RSPH4A: variants seen among roughly 807,000 people sequenced by gnomAD.
The protein encoded by RSPH4A is radial spoke head protein 4 homolog A.
A neutral mutation model predicts 71.0 loss-of-function variants in RSPH4A; 47 were observed. The observed-to-expected ratio is 0.66, with a 90% CI of 0.52 to 0.84. RSPH4A has a LOEUF of 0.84. Ranked by LOEUF, RSPH4A falls within the 40% of genes least tolerant of loss-of-function variation. RSPH4A has a pLI of 0.00. For synonymous variants in RSPH4A, 282 were observed against 302.3 expected (o/e 0.93, Z 0.70); for missense variants, 793 against 855.2 (o/e 0.93, Z 0.91).
intron 2 of RSPH4A, 128 bp from the exon 3 acceptor site, chr6:116,627,501 G>A: frequency 1.2e-6 from 1 of 855,082 alleles, no homozygotes; most frequent in Admixed American, 1.9e-5. Flanking sequence ...CAGCCAATTT[G>A]ATCTAAATCT....
chr6:116,628,852 G>GGT (rs139022306), intron 3 of RSPH4A, among the ~76,000 whole-genome samples: 1 of 152,084 alleles, frequency 6.6e-6, no homozygotes, highest in Admixed American at 6.6e-5. Context: ...TATTGTGCCA[G>GGT]GTGTGTGTGT....
In RSPH4A at chr6:116,632,187, CTTCTTT is replaced by C. The variant is rs762659630; in HGVS notation, c.1917-14_1917-9del. On this transcript the variant is annotated splice_polypyrimidine_tract_variant and intron_variant, in intron 5 of 5. Coordinates refer to ENST00000229554, the MANE Select transcript of RSPH4A (RefSeq NM_001010892.3). Reference sequence around the variant, plus strand: ...AATTATATAATGATCTTTTTTTCTTCTTCTTTTTCTTACTTATAGAAAGTTTGAAAA... The same window carrying C: ...AATTATATAATGATCTTTTTTTCTTCTTCTTACTTATAGAAAGTTTGAAAA... 11 of 1,553,484 alleles carry C rather than the reference CTTCTTT, an allele frequency of 7.1e-6. No homozygotes were observed. The African/African-American group carries it at 1.4e-4, about 20-fold the overall frequency.
chr6:116,625,641 T>A (rs931670075), intron 2 of RSPH4A, among the ~76,000 whole-genome samples: 1 of 152,132 alleles, frequency 6.6e-6, no homozygotes, highest in Non-Finnish European at 1.5e-5. Flanking sequence ...TAATACAGTA[T>A]AACTGAATAC....
At chr6:116,624,486 T>G (rs946585468) in intron 2 of RSPH4A, among the ~76,000 whole-genome samples, 2 of 152,186 alleles carry the variant, frequency 1.3e-5, no homozygotes, top group African/African-American at 2.4e-5. Context: ...AGAATACAAA[T>G]AAGCTGTTTT....
intron 1 of RSPH4A, among the ~76,000 whole-genome samples, chr6:116,621,399 G>T (rs535361685): frequency 6.6e-6 from 1 of 151,972 alleles, no homozygotes; most frequent in South Asian, 2.1e-4. Flanking sequence ...AAGAAAAAAC[G>T]AAAAATATAG....
chr6:116,627,887 G>A lies in RSPH4A; in HGVS notation c.1180G>A (p.Gly394Arg), dbSNP rs146363206. The change falls in exon 3 of 6, where the codon GGA becomes AGA. Residue 394 changes from glycine to arginine, a missense_variant. Transcript: ENST00000229554. ...AGATGTAGCTGAAGAGAGGGACAAT[G>A]GAGAAAGTGAAGCTCATGAAGATGA... is the stretch of plus-strand genomic sequence containing the variant. The part of the protein sequence containing the change: ...EEDVAEERDN[G>R]ESEAHEDEED... 26 of 1,613,380 alleles carry A rather than the reference G, an allele frequency of 1.6e-5. No homozygotes were observed. The African/African-American group carries it at 3.5e-4, about 22-fold the overall frequency.
chr6:116,619,181 A>G (rs185537702), intron 1 of RSPH4A, among the ~76,000 whole-genome samples: 22 of 152,240 alleles, frequency 1.4e-4, no homozygotes, highest in African/African-American at 5.3e-4. Flanking sequence ...TTGGATAGGT[A>G]TGATTGGTGA....
At position 116,630,845 on chromosome 6, in the gene RSPH4A, G is replaced by GTTTTTTTTT. The variant is rs1285123787; in HGVS notation, c.1916+294_1916+295insTTTTTTTTT. Among the ~76,000 whole-genome samples, 22 of 67,630 alleles carry GTTTTTTTTT rather than the reference G, an allele frequency of 3.3e-4. 2 individuals carry two copies. Among genetic ancestry groups the GTTTTTTTTT allele is most frequent in the South Asian group, 4.7e-4 (1 of 2,114 alleles). The allele number at this position is 67,630 out of a possible 152,430, so 44.4% of individuals were successfully genotyped here. ...GCACCACTATGCCCAGCTAATTTTTGTATTTTTTTTTTTTTTTTTTTTTTT... is the reference window on the plus strand; with the variant it reads ...GCACCACTATGCCCAGCTAATTTTTGTTTTTTTTTTATTTTTTTTTTTTTTTTTTTTTTT... On this transcript the variant is annotated intron_variant, in intron 5 of 5. Transcript: ENST00000229554.
chr6:116,628,197 T>G lies in RSPH4A; in HGVS notation c.1490T>G (p.Val497Gly), dbSNP rs1461108741. Residue 497 changes from valine (V) to glycine (G), a missense_variant, in exon 3 of 6, where the codon GTC becomes GGC. Physicochemically the swap from Val to Gly is moderately radical, Grantham distance 109. Transcript: ENST00000229554. ...GCCCGAATTTCAGCAGGAACCCACG[T>G]CAGTCCTCTAGGATTTTATCAGTTT... ...QIARISAGTH[V>G]SPLGFYQFGE... 6.2e-7 allele frequency: 1 copy of G among 1,614,004 alleles called. No individual in the cohort carries two copies. Among genetic ancestry groups the G allele is most frequent in the Non-Finnish European group, 8.5e-7 (1 of 1,180,020 alleles).
chr6:116,630,949 C>T (rs1775795215), intron 5 of RSPH4A, among the ~76,000 whole-genome samples: 1 of 149,168 alleles, frequency 6.7e-6, no homozygotes, highest in African/African-American at 2.5e-5. Flanking sequence ...CTCAGCATCC[C>T]AAAGTGCTGG....
At chr6:116,617,476 C>CATT (rs1397162468) in intron 1 of RSPH4A, among the ~76,000 whole-genome samples, 167 bp downstream of exon 1, 1 of 150,934 alleles carries the variant, frequency 6.6e-6, no homozygotes. Flanking sequence ...CAAAACAGGT[C>CATT]ATTAATGGAG....
intron 2 of RSPH4A, among the ~76,000 whole-genome samples, chr6:116,623,711 G>A (rs530228122): frequency 1.3e-5 from 2 of 152,208 alleles, no homozygotes; most frequent in African/African-American, 4.8e-5. Context: ...CAAGTTGCAT[G>A]TTTATTAGAA....
intron 1 of RSPH4A, among the ~76,000 whole-genome samples, chr6:116,619,863 C>T (rs912746706): frequency 1.2e-4 from 19 of 152,034 alleles, no homozygotes; most frequent in African/African-American, 9.7e-5. Context: ...GGACTACAGG[C>T]GCCTGCCACC....
intron 4 of RSPH4A, among the ~76,000 whole-genome samples, chr6:116,630,108 C>A (rs1019514565): frequency 6.6e-6 from 1 of 152,140 alleles, no homozygotes; most frequent in Non-Finnish European, 1.5e-5. Flanking sequence ...GCTTGCAACC[C>A]TTGATCTTAT....
At chr6:116,626,929 T>C (rs1030134697) in intron 2 of RSPH4A, among the ~76,000 whole-genome samples, 2 of 152,108 alleles carry the variant, frequency 1.3e-5, no homozygotes, top group African/African-American at 2.4e-5. Context: ...TATAGTAATA[T>C]AGACATATGG....
intron 4 of RSPH4A, 130 bp downstream of exon 4, chr6:116,629,832 A>G: frequency 1.2e-6 from 1 of 823,694 alleles, no homozygotes; most frequent in Non-Finnish European, 2.0e-6. Flanking sequence ...TCCTCTTCCC[A>G]TTCATGTTCT....
rs778281673 is a variant in RSPH4A at position 116,630,523 on chromosome 6, G to A, written c.1887G>A (p.Trp629Ter). 4 of 1,600,722 alleles carry A rather than the reference G, an allele frequency of 2.5e-6. No individual in the cohort carries two copies. Among genetic ancestry groups the A allele is most frequent in the Non-Finnish European group, 2.6e-6 (3 of 1,168,198 alleles). ...YAIAVLQSNLWPGAYAFSNGK... is the reference protein window; with the variant it reads ...YAIAVLQSNL ...TTGCAGTCCTTCAATCCAACCTTTG[G>A]CCTGGAGCATATGCCTTCTCCAATG... Residue 629 changes from tryptophan to a stop codon, truncating the protein, a stop_gained, in exon 5 of 6, where the codon TGG (tryptophan) becomes TGA (stop). Coordinates refer to ENST00000229554, the MANE Select transcript of RSPH4A (RefSeq NM_001010892.3). LOFTEE classifies it high-confidence loss of function.
intron 2 of RSPH4A, among the ~76,000 whole-genome samples, chr6:116,625,869 C>G (rs961253483): frequency 1.3e-5 from 2 of 152,094 alleles, no homozygotes; most frequent in African/African-American, 4.8e-5. Context: ...TTAGAATACT[C>G]AAGTGAAATT....
At chr6:116,631,634 G>T (rs1353036914) in intron 5 of RSPH4A, among the ~76,000 whole-genome samples, 1 of 152,168 alleles carries the variant, frequency 6.6e-6, no homozygotes, top group Non-Finnish European at 1.5e-5. Flanking sequence ...ACCTAGGAAC[G>T]GAAGCACCTG....
Sources: allele counts gnomAD v4.1 joint callset (sites outside exome capture counted in the v4.1 genomes callset), GRCh38; gene constraint gnomAD v4.1.1; transcripts MANE v1.5; gene names NCBI Gene and HGNC (gene_info 2026-07-23, HGNC 2026-07-21).